Variants in DNAH8 observed in about 807,000 individuals in gnomAD.
The protein encoded by DNAH8 is dynein axonemal heavy chain 8.
DNAH8 carries 382 observed loss-of-function variants against 562.1 expected under a neutral mutation model. That is an observed-to-expected ratio of 0.68 (90% confidence interval 0.63 to 0.74). DNAH8 has a LOEUF of 0.74. Among genes scored for constraint, DNAH8 ranks in the 30% least tolerant of loss-of-function variants. The pLI, the probability that DNAH8 is intolerant of heterozygous loss-of-function variation, is 0.00. For missense variants in DNAH8, 5,203 were observed against 5,620.4 expected (o/e 0.93, Z 2.37); for synonymous variants, 1,881 against 1,919.4 (o/e 0.98, Z 0.52).
chr6:38,979,939 C>T (rs1269316648), intron 85 of DNAH8, among the ~76,000 whole-genome samples: 1 of 152,210 alleles, frequency 6.6e-6, no homozygotes, highest in Non-Finnish European at 1.5e-5. Context: ...ACTAATAAGT[C>T]ATTAGCATTC....
At chr6:38,912,823 T>A (rs956161447) in intron 66 of DNAH8, among the ~76,000 whole-genome samples, 2 of 152,178 alleles carry the variant, frequency 1.3e-5, no homozygotes, top group East Asian at 3.9e-4. Flanking sequence ...TTTTTCTTTT[T>A]CTTTGAGACA....
intron 14 of DNAH8, 147 bp from the exon 15 acceptor site, chr6:38,779,819 C>T: frequency 1.3e-6 from 1 of 764,610 alleles, no homozygotes; most frequent in East Asian, 2.7e-5. Context: ...ACTGTACCTC[C>T]TATCTCGTTC....
chr6:38,907,230 G>A (rs1583320862), intron 63 of DNAH8, among the ~76,000 whole-genome samples: 1 of 152,290 alleles, frequency 6.6e-6, no homozygotes, highest in South Asian at 2.1e-4. Flanking sequence ...CTTTTGCCAA[G>A]GGGCCATGCA....
chr6:39,016,822 G>A (rs1210544689), intron 91 of DNAH8, among the ~76,000 whole-genome samples: 6 of 152,152 alleles, frequency 3.9e-5, no homozygotes, highest in Non-Finnish European at 7.4e-5. Context: ...TTTGAGGTCC[G>A]TGCTACCTCA....
intron 39 of DNAH8, among the ~76,000 whole-genome samples, chr6:38,852,146 T>C (rs1020721669): frequency 7.2e-5 from 11 of 152,208 alleles, no homozygotes; most frequent in African/African-American, 2.4e-4. Flanking sequence ...ACTTCTCAAA[T>C]GCTTTTAGCC....
At chr6:38,960,419 C>CA (rs67399046) in intron 82 of DNAH8, among the ~76,000 whole-genome samples, 9,041 of 146,106 alleles carry the variant, frequency 0.062, 354 homozygotes, top group Non-Finnish European at 0.086. Context: ...AACTCAATAG[C>CA]AAAAAAAAAA....
At chr6:38,904,792 C>CACAAAAA (rs1780325524) in intron 62 of DNAH8, among the ~76,000 whole-genome samples, 1 of 86,386 alleles carries the variant, frequency 1.2e-5, no homozygotes, top group Non-Finnish European at 2.2e-5. Context: ...AACTCCGTCT[C>CACAAAAA]AAAAAAAAAA....
intron 29 of DNAH8, among the ~76,000 whole-genome samples, chr6:38,827,732 A>C (rs1322374466): frequency 7.8e-5 from 2 of 25,750 alleles, no homozygotes; most frequent in Admixed American, 5.1e-4. Context: ...TCTTTACCAA[A>C]CTTTTTTTTT....
intron 87 of DNAH8, among the ~76,000 whole-genome samples, chr6:38,986,286 G>GC (rs1320194411): frequency 6.6e-6 from 1 of 152,130 alleles, no homozygotes; most frequent in Non-Finnish European, 1.5e-5. Context: ...TAGAAGCAAT[G>GC]ATCTATACGA....
At chr6:38,874,068 T>TTCTTTCTTTCTTTCTTTCTTTCTC in intron 52 of DNAH8, among the ~76,000 whole-genome samples, 1 of 57,062 alleles carries the variant, frequency 1.8e-5, no homozygotes, top group African/African-American at 6.4e-5. Flanking sequence ...CTTTCTTTCT[T>TTCTTTCTTTCTTTCTTTCTTTCTC]TTTCTTTCTT....
intron 53 of DNAH8, among the ~76,000 whole-genome samples, chr6:38,882,513 G>C (rs1778574633): frequency 6.6e-6 from 1 of 152,122 alleles, no homozygotes; most frequent in African/African-American, 2.4e-5. Flanking sequence ...TAAATATTGA[G>C]TACACAGGGA....
chr6:38,817,020 T>C (rs1410800387), intron 26 of DNAH8, among the ~76,000 whole-genome samples: 4 of 152,328 alleles, frequency 2.6e-5, no homozygotes, highest in South Asian at 4.1e-4. Flanking sequence ...TCCACTGTGA[T>C]GCAGGGAAAG....
At chr6:38,997,688 C>A (rs780246165) in intron 88 of DNAH8, among the ~76,000 whole-genome samples, 18 of 152,200 alleles carry the variant, frequency 1.2e-4, no homozygotes, top group Non-Finnish European at 2.4e-4. Context: ...ATGTCCCCAG[C>A]CAGAGGAATC....
chr6:38,808,447 T>C (rs1771494323), intron 24 of DNAH8, among the ~76,000 whole-genome samples: 1 of 152,208 alleles, frequency 6.6e-6, no homozygotes, highest in African/African-American at 2.4e-5. Context: ...AGATTAAATA[T>C]ACTTTCTTGT....
rs554183939 is a variant in DNAH8, at chr6:38,772,283, C to T, written c.1764+1724C>T. Among the ~76,000 whole-genome samples the T allele has an allele frequency of 1.4e-3, 220 of 152,254 alleles. 2 individuals carry two copies. The highest frequency in any genetic ancestry group is 5.2e-3 in the African/African-American group (214 of 41,550). On this transcript the variant is annotated intron_variant, in intron 12 of 92. Coordinates refer to ENST00000327475, the MANE Select transcript of DNAH8 (RefSeq NM_001206927.2). Reference sequence around the variant, plus strand: ...GACCTTGTGATCCACCCACCTCGACCTCCCAAAGTGCTGGGATTACAGGCA... The same window carrying T: ...GACCTTGTGATCCACCCACCTCGACTTCCCAAAGTGCTGGGATTACAGGCA...
chr6:38,862,179 AAAAT>A (rs1776686360), intron 43 of DNAH8, 97 bp from the exon 44 acceptor site: 1 of 1,057,412 alleles, frequency 9.5e-7, no homozygotes, highest in Non-Finnish European at 1.4e-6. Flanking sequence ...CTCAGACTCT[AAAAT>A]AAATAGGCCC....
intron 6 of DNAH8, among the ~76,000 whole-genome samples, chr6:38,737,536 T>TA (rs1764193573): frequency 6.6e-6 from 1 of 151,460 alleles, no homozygotes; most frequent in South Asian, 2.1e-4. Flanking sequence ...TATGAACTCT[T>TA]AAAAATCTAT....
At chr6:38,757,277 A>G (rs1766011034) in intron 10 of DNAH8, among the ~76,000 whole-genome samples, 1 of 152,028 alleles carries the variant, frequency 6.6e-6, no homozygotes, top group African/African-American at 2.4e-5. Context: ...GCCAGTGATG[A>G]TGAGCATTTT....
chr6:38,763,163 A>G (rs188819354), intron 11 of DNAH8: 19 of 307,498 alleles, frequency 6.2e-5, no homozygotes, highest in Middle Eastern at 6.2e-4. Context: ...TGAAAAGAGG[A>G]GCATTTAACA....
Sources: gnomAD v4.1 joint callset for allele counts (sites outside exome capture counted in the v4.1 genomes callset) on GRCh38, gnomAD v4.1.1 for gene constraint, MANE v1.5 for transcripts, NCBI Gene and HGNC (gene_info 2026-07-23, HGNC 2026-07-21) for gene names.